ESR1: variants seen among roughly 807,000 people sequenced by gnomAD.
The protein encoded by ESR1 is estrogen receptor 1, also known as estrogen receptor.
A neutral mutation model predicts 52.7 loss-of-function variants in ESR1; 12 were observed. That is an observed-to-expected ratio of 0.23 (90% CI 0.15 to 0.37). ESR1 has a LOEUF of 0.37. Ranked by LOEUF, ESR1 falls within the 10% of genes least tolerant of loss-of-function variation. The pLI, the probability that ESR1 is intolerant of heterozygous loss-of-function variation, is 1.00. For missense variants in ESR1, 584 were observed against 779.7 expected (o/e 0.75, Z 2.99); for synonymous variants, 305 against 316.8 (o/e 0.96, Z 0.39).
chr6:152,106,039 C>G (rs1011196002), downstream of ESR1, among the ~76,000 whole-genome samples: 1 of 150,248 alleles, frequency 6.7e-6, no homozygotes, highest in Non-Finnish European at 1.5e-5. Context: ...ATGATCCACC[C>G]GCCTCGGCCT....
At chr6:151,979,406 A>G (rs1218674697) in intron 4 of ESR1, among the ~76,000 whole-genome samples, 3 of 152,172 alleles carry the variant, frequency 2.0e-5, no homozygotes, top group Admixed American at 6.5e-5. Flanking sequence ...TGGACATTAA[A>G]TATACAACAT....
At chr6:152,103,980 C>CT (rs369261779), downstream of ESR1, among the ~76,000 whole-genome samples, 43,316 of 93,644 alleles carry the variant, frequency 0.46, 11,278 homozygotes, top group South Asian at 0.54. Context: ...TTCATTCTAC[C>CT]TTTTTTTTTT....
intron 2 of ESR1, among the ~76,000 whole-genome samples, chr6:151,864,797 A>G (rs1259930434): frequency 6.6e-6 from 1 of 152,160 alleles, no homozygotes; most frequent in African/African-American, 2.4e-5. Flanking sequence ...AGGGACATGG[A>G]TGAAGCTGGA....
chr6:152,127,247 CA>C (rs1055284531), exon 7 of ESR1: 7 of 152,168 alleles, frequency 4.6e-5, no homozygotes, highest in Non-Finnish European at 1.0e-4. Flanking sequence ...GGTCTGGAGT[CA>C]GGGGAGACCT....
Position 152,081,511 on chromosome 6 carries a change from C to T in ESR1, c.1370-12874C>T, listed in dbSNP as rs6914220. Among the ~76,000 whole-genome samples the T allele has an allele frequency of 7.1e-3, 1,084 of 151,672 alleles. 11 individuals are homozygous for T. The highest frequency in any genetic ancestry group is 0.025 in the African/African-American group (1,040 of 41,332). ...GGAAATTTATAGCACTAAATGCCCA[C>T]GAGAGAAAGCAGGAAAGATCTAAAA... On this transcript the variant is annotated intron_variant, in intron 6 of 7. Transcript: ENST00000206249.
chr6:151,885,856 A>C (rs1793757279), intron 3 of ESR1, among the ~76,000 whole-genome samples: 1 of 152,268 alleles, frequency 6.6e-6, no homozygotes, highest in Non-Finnish European at 1.5e-5. Context: ...CTCTGTCTCA[A>C]AAATAAATAT....
intron 6 of ESR1, among the ~76,000 whole-genome samples, chr6:152,072,058 A>G (rs992741183): frequency 6.7e-6 from 1 of 149,882 alleles, no homozygotes; most frequent in South Asian, 2.1e-4. Context: ...GACAGAGGAG[A>G]GTTATGGAGG....
rs2050935531 is a variant in ESR1, at chr6:152,100,661, C to T, written c.*1695C>T. The T allele has an allele frequency of 4.3e-6, 1 of 230,550 alleles. No individual in the cohort carries two copies. Among genetic ancestry groups the T allele is most frequent in the Non-Finnish European group, 8.6e-6 (1 of 116,614 alleles). 14.3% of individuals were successfully genotyped at this position (230,550 alleles called of 1,614,324 possible). ...GGTGATGTCTGTGTTAGCCAATGAC[C>T]CAGGTGAGCTGCTCGGGCTTCTCTT... On this transcript the variant is annotated 3_prime_UTR_variant, in exon 8 of 8. Coordinates refer to ENST00000206249, the MANE Select transcript of ESR1 (RefSeq NM_000125.4).
chr6:151,920,748 T>C (rs1423970055), intron 3 of ESR1, among the ~76,000 whole-genome samples: 1 of 152,076 alleles, frequency 6.6e-6, no homozygotes, highest in East Asian at 1.9e-4. Flanking sequence ...AGAGGTTAAG[T>C]GTGATTGTCA....
chr6:152,058,847 T>G (rs2047316159), intron 5 of ESR1, among the ~76,000 whole-genome samples: 2 of 152,202 alleles, frequency 1.3e-5, no homozygotes, highest in Non-Finnish European at 2.9e-5. Flanking sequence ...ATCTTCTTGT[T>G]GGAGTTCTTT....
chr6:152,091,579 T>C (rs576603753), intron 6 of ESR1, among the ~76,000 whole-genome samples: 3 of 152,262 alleles, frequency 2.0e-5, no homozygotes, highest in African/African-American at 7.2e-5. Context: ...GCATGCTGGA[T>C]GAAGGAACCC....
chr6:151,824,041 C>T (rs1240357907), intron 1 of ESR1, among the ~76,000 whole-genome samples: 33 of 152,160 alleles, frequency 2.2e-4, no homozygotes, highest in Non-Finnish European at 4.0e-4. Context: ...CCTGAGGAAT[C>T]GCCACACTGA....
At chr6:151,944,863 T>A (rs943109477) in intron 4 of ESR1, among the ~76,000 whole-genome samples, 3 of 152,224 alleles carry the variant, frequency 2.0e-5, no homozygotes, top group Non-Finnish European at 4.4e-5. Flanking sequence ...CAAAAGTTTG[T>A]AATATTAATG....
At chr6:152,103,980 C>CTTTT (rs369261779), downstream of ESR1, among the ~76,000 whole-genome samples, 2,909 of 93,868 alleles carry the variant, frequency 0.031, 150 homozygotes, top group Admixed American at 0.041. Flanking sequence ...TTCATTCTAC[C>CTTTT]TTTTTTTTTT....
chr6:152,114,780 A>G (rs1284223626), intron 6 of ESR1, among the ~76,000 whole-genome samples: 2 of 149,046 alleles, frequency 1.3e-5, no homozygotes, highest in Non-Finnish European at 3.0e-5. Context: ...AGTCCCAGCT[A>G]CTTGGGAGGC....
intron 3 of ESR1, among the ~76,000 whole-genome samples, chr6:151,895,399 G>A (rs1304766125): frequency 1.3e-5 from 2 of 152,052 alleles, no homozygotes; most frequent in Non-Finnish European, 2.9e-5. Flanking sequence ...TCTTTCTCTT[G>A]TCTGCTCCGG....
At chr6:151,945,868 C>T (rs1228560759) in intron 4 of ESR1, among the ~76,000 whole-genome samples, 1 of 152,122 alleles carries the variant, frequency 6.6e-6, no homozygotes, top group East Asian at 1.9e-4. Context: ...GAATAAGGAG[C>T]CAGCAGTACC....
chr6:151,900,408 G>T (rs901165683), intron 3 of ESR1, among the ~76,000 whole-genome samples: 1 of 152,066 alleles, frequency 6.6e-6, no homozygotes, highest in Non-Finnish European at 1.5e-5. Flanking sequence ...TCCTTAATTA[G>T]CTTAACAATC....
chr6:151,741,902 T>G (rs1049550522), intron 2 of ESR1, among the ~76,000 whole-genome samples: 1 of 152,166 alleles, frequency 6.6e-6, no homozygotes, highest in Non-Finnish European at 1.5e-5. Flanking sequence ...TCTGCTACTT[T>G]ATAGCCTTTG....
Sources: allele counts gnomAD v4.1 joint callset (sites outside exome capture counted in the v4.1 genomes callset), GRCh38; gene constraint gnomAD v4.1.1; transcripts MANE v1.5; gene names NCBI Gene and HGNC (gene_info 2026-07-23, HGNC 2026-07-21).